TP53BP1: variants seen among roughly 807,000 people sequenced by gnomAD.
The protein encoded by TP53BP1 is TP53-binding protein 1.
In TP53BP1, 61 loss-of-function variants were observed where a neutral mutation model predicts 200.8. The observed-to-expected ratio is 0.30, with a 90% CI of 0.25 to 0.38. TP53BP1 has a LOEUF of 0.38. TP53BP1 is among the 10% of genes least tolerant of loss of function. TP53BP1 has a pLI of 1.00. For synonymous variants in TP53BP1, 822 were observed against 844.3 expected, an observed-to-expected ratio of 0.97 and a Z score of 0.46; for missense variants, 2,144 against 2,371.9, an observed-to-expected ratio of 0.90 and a Z score of 2.00.
In TP53BP1 at chr15:43,409,647, C is replaced by T; in HGVS notation, c.5400G>A (p.Gln1800=). 6.6e-7 allele frequency: 1 copy of T among 1,525,218 alleles called. No individual in the cohort carries two copies. Among genetic ancestry groups the T allele is most frequent in the Non-Finnish European group, 8.9e-7 (1 of 1,129,854 alleles). The allele number at this position is 1,525,218 out of a possible 1,614,324, so 94.5% of individuals were successfully genotyped here. ...GYILEDFNEA[Q]CNTAYQCLLI... The stretch of plus-strand genomic sequence containing the variant: ...TAGGTTACACAAAGAAACTCCTCAC[C>T]TGGGCTTCATTGAAATCTTCAAGGA... The change falls in exon 25 of 28, where the codon CAG becomes CAA. Residue 1800 remains glutamine (Q), a splice_region_variant and synonymous_variant. Transcript: ENST00000382044.
chr15:43,487,474 A>G (rs968632322), intron 4 of TP53BP1, among the ~76,000 whole-genome samples: 1 of 152,160 alleles, frequency 6.6e-6, no homozygotes, highest in African/African-American at 2.4e-5. Flanking sequence ...ATCCTAGAGA[A>G]ATGAAGACTT....
rs552506736 is a variant in TP53BP1 at position 43,469,806 on chromosome 15, T to C, written c.1389+52A>G. ...TGGTATGTAAATTATACCCCAATAA[T>C]GCTGCTTTAAAAAAATATGTTAGGA... is the stretch of plus-strand genomic sequence containing the variant. On this transcript the variant is annotated intron_variant, in intron 11 of 27. Transcript: ENST00000382044. 232 of 1,445,340 alleles carry C rather than the reference T, an allele frequency of 1.6e-4. 4 individuals are homozygous for C. The South Asian group carries it at 2.5e-3, about 16-fold the overall frequency. The allele number at this position is 1,445,340 out of a possible 1,614,324, so 89.5% of individuals were successfully genotyped here.
chr15:43,491,311 C>A (rs1306042117), intron 4 of TP53BP1, among the ~76,000 whole-genome samples: 1 of 152,002 alleles, frequency 6.6e-6, no homozygotes, highest in Admixed American at 6.6e-5. Flanking sequence ...AAACTCCTGA[C>A]CTCAAGTGAT....
intron 12 of TP53BP1, among the ~76,000 whole-genome samples, chr15:43,453,958 A>C (rs2046233166): frequency 6.6e-6 from 1 of 152,070 alleles, no homozygotes. Context: ...CTGTAATCCC[A>C]GCACTTTGGA....
At chr15:43,504,583 C>A (rs952673474) in intron 1 of TP53BP1, among the ~76,000 whole-genome samples, 1 of 151,596 alleles carries the variant, frequency 6.6e-6, no homozygotes. Flanking sequence ...CTTTATTCCA[C>A]AAATAAGGTA....
intron 6 of TP53BP1, 81 bp downstream of exon 6, chr15:43,479,778 A>T: frequency 6.5e-7 from 1 of 1,535,676 alleles, no homozygotes; most frequent in Non-Finnish European, 8.9e-7. Flanking sequence ...GATAGCTGCA[A>T]AACTTATCAA....
Position 43,456,954 on chromosome 15 carries a change from C to T in TP53BP1, c.1654G>A (p.Asp552Asn), listed in dbSNP as rs370340295. 3 of 1,614,036 alleles carry T rather than the reference C, an allele frequency of 1.9e-6. No homozygotes were observed. The highest frequency in any genetic ancestry group is 2.5e-6 in the Non-Finnish European group (3 of 1,180,048). The change falls in exon 12 of 28, where the codon GAT becomes AAT. Residue 552 changes from aspartate to asparagine, a missense_variant. Coordinates refer to ENST00000382044, the MANE Select transcript of TP53BP1 (RefSeq NM_001141980.3). ...DEDGENTQIEDTEPMSPVLNS... is the reference protein window; with the variant it reads ...DEDGENTQIENTEPMSPVLNS... Reference sequence around the variant, plus strand: ...AGAACTGGAGACATGGGTTCCGTATCCTCAATCTGTGTGTTTTCTCCATCT... The same window carrying T: ...AGAACTGGAGACATGGGTTCCGTATTCTCAATCTGTGTGTTTTCTCCATCT...
chr15:43,502,649 C>T lies in TP53BP1; in HGVS notation c.-9+7721G>A, dbSNP rs150576560. 2.5e-3 allele frequency among the ~76,000 whole-genome samples: 378 copies of T among 150,038 alleles called. 1 individual carries two copies. The highest frequency in any genetic ancestry group is 8.9e-3 in the African/African-American group (361 of 40,716). On this transcript the variant is annotated intron_variant, in intron 1 of 27. Coordinates refer to the TP53BP1 transcript ENST00000263801. ...TTTTTTTTGTATTTTTTAGTAGAGA[C>T]GGGGTTTCACTATGTTAGCCAAAAT...
At chr15:43,488,885 A>T (rs915716796) in intron 4 of TP53BP1, among the ~76,000 whole-genome samples, 1 of 151,666 alleles carries the variant, frequency 6.6e-6, no homozygotes, top group African/African-American at 2.4e-5. Flanking sequence ...CAAGAGTGGG[A>T]CTCCGTCTCA....
chr15:43,441,059 A>G (rs2045915159), intron 15 of TP53BP1, among the ~76,000 whole-genome samples: 1 of 152,232 alleles, frequency 6.6e-6, no homozygotes, highest in African/African-American at 2.4e-5. Flanking sequence ...TCCTCAAAGC[A>G]TTACAACATC....
chr15:43,428,603 G>A (rs1437087246), intron 17 of TP53BP1, among the ~76,000 whole-genome samples: 2 of 152,148 alleles, frequency 1.3e-5, no homozygotes, highest in African/African-American at 4.8e-5. Flanking sequence ...CCAGAATGAT[G>A]TATCTGTTAA....
At chr15:43,509,384 A>G (rs1460258490) in intron 1 of TP53BP1, among the ~76,000 whole-genome samples, 1 of 152,050 alleles carries the variant, frequency 6.6e-6, no homozygotes, top group East Asian at 1.9e-4. Context: ...CACATGCTCC[A>G]TGGTAGGGAC....
At chr15:43,495,905 T>TA (rs893184730), upstream of TP53BP1, among the ~76,000 whole-genome samples, 22 of 151,860 alleles carry the variant, frequency 1.4e-4, no homozygotes, top group East Asian at 3.1e-3. Context: ...ACAAGAATCT[T>TA]AAAAAAAACT....
chr15:43,436,634 C>A (rs527392414), intron 16 of TP53BP1, among the ~76,000 whole-genome samples: 5 of 151,396 alleles, frequency 3.3e-5, no homozygotes, highest in African/African-American at 2.4e-5. Context: ...GCCACCACAT[C>A]CGGCTTTTTT....
chr15:43,418,369 G>A lies in TP53BP1; in HGVS notation c.4681+1936C>T, dbSNP rs146894658. On this transcript the variant is annotated intron_variant, in intron 21 of 27. Transcript: ENST00000382044. The stretch of plus-strand genomic sequence containing the variant: ...AAAAAAAAATTAGCCAGGTGTGGTG[G>A]TGCGTGCCTGTAAACCCAGCTACTC... 8.9e-3 allele frequency among the ~76,000 whole-genome samples: 1,343 copies of A among 150,450 alleles called. 26 individuals are homozygous for A. Among genetic ancestry groups the A allele is most frequent in the African/African-American group, 0.029 (1,189 of 40,842 alleles).
chr15:43,464,794 G>C (rs2046528902), intron 11 of TP53BP1, among the ~76,000 whole-genome samples: 1 of 152,028 alleles, frequency 6.6e-6, no homozygotes, highest in South Asian at 2.1e-4. Flanking sequence ...TGTAATCCCA[G>C]CTACTCAGGA....
chr15:43,493,878 T>C (rs563535401), upstream of TP53BP1, among the ~76,000 whole-genome samples: 1 of 152,308 alleles, frequency 6.6e-6, no homozygotes, highest in South Asian at 2.1e-4. Context: ...GCACCTCCCA[T>C]TGAGAGAATT....
intron 16 of TP53BP1, among the ~76,000 whole-genome samples, chr15:43,436,492 T>A (rs1595552899): frequency 6.6e-6 from 1 of 152,114 alleles, no homozygotes; most frequent in South Asian, 2.1e-4. Context: ...TATTATTTTT[T>A]AAGACATGGT....
At chr15:43,474,005 C>G (rs139775043) in intron 10 of TP53BP1, among the ~76,000 whole-genome samples, 26 of 152,222 alleles carry the variant, frequency 1.7e-4, no homozygotes, top group Non-Finnish European at 4.4e-5. Context: ...CTGCAGGTCC[C>G]GAGTCCTGCC....
Sources: allele counts gnomAD v4.1 joint callset (sites outside exome capture counted in the v4.1 genomes callset), GRCh38; gene constraint gnomAD v4.1.1; transcripts MANE v1.5; gene names NCBI Gene and HGNC (gene_info 2026-07-23, HGNC 2026-07-21).